Variants in HHAT observed in about 807,000 individuals in gnomAD.
HHAT encodes hedgehog acyltransferase.
Under a neutral mutation model 70.8 loss-of-function variants are expected in HHAT, and 47 were observed. The observed-to-expected ratio is 0.66, with a 90% CI of 0.53 to 0.85. The LOEUF (loss-of-function observed/expected upper bound fraction) is 0.85. Ranked by LOEUF, HHAT falls within the 40% of genes least tolerant of loss-of-function variation. The pLI is 0.00. For missense variants in HHAT, 609 were observed against 604.8 expected (o/e 1.01, Z -0.07); for synonymous variants, 228 against 247.6 (o/e 0.92, Z 0.74).
chr1:210,616,598 T>C (rs1667794418), intron 10 of HHAT, among the ~76,000 whole-genome samples: 1 of 152,234 alleles, frequency 6.6e-6, no homozygotes, highest in Non-Finnish European at 1.5e-5. Flanking sequence ...CAAACATTTC[T>C]TGAAAATCCA....
intron 9 of HHAT, among the ~76,000 whole-genome samples, chr1:210,549,460 T>C (rs2095510752): frequency 6.7e-6 from 1 of 148,556 alleles, no homozygotes; most frequent in African/African-American, 2.5e-5. Context: ...CCTGAATTCC[T>C]GAAATTATAA....
At chr1:210,670,120 A>G (rs1679784955) in intron 11 of HHAT, among the ~76,000 whole-genome samples, 1 of 152,210 alleles carries the variant, frequency 6.6e-6, no homozygotes, top group African/African-American at 2.4e-5. Flanking sequence ...ACTGTGTACC[A>G]TAGCAGCCCT....
intron 2 of HHAT, among the ~76,000 whole-genome samples, chr1:210,356,093 T>TG (rs2087585219): frequency 8.0e-6 from 1 of 124,638 alleles, no homozygotes; most frequent in Non-Finnish European, 1.8e-5. Context: ...CTTGCTTGGC[T>TG]ATTTTTTTTT....
intron 11 of HHAT, among the ~76,000 whole-genome samples, chr1:210,644,008 C>G (rs1673507145): frequency 6.6e-6 from 1 of 151,938 alleles, no homozygotes. Flanking sequence ...GGTCCTCTGG[C>G]CCACCTCTCT....
chr1:210,341,235 A>G (rs1558312279), intron 1 of HHAT, among the ~76,000 whole-genome samples: 1 of 152,206 alleles, frequency 6.6e-6, no homozygotes, highest in Non-Finnish European at 1.5e-5. Flanking sequence ...GTCTTGTTAA[A>G]GTTCTCTGGT....
At chr1:210,464,467 T>C (rs773435750) in intron 7 of HHAT, 38 bp from the exon 8 acceptor site, 1 of 1,613,118 alleles carries the variant, frequency 6.2e-7, no homozygotes. Context: ...CTGCTGTGAT[T>C]CTCTTCCATG....
chr1:210,413,323 G>T (rs2092620603), intron 6 of HHAT, among the ~76,000 whole-genome samples: 1 of 152,348 alleles, frequency 6.6e-6, no homozygotes, highest in African/African-American at 2.4e-5. Context: ...GTCTTGGACA[G>T]GAGGTCCTGG....
chr1:210,563,847 T>C (rs553585269), intron 9 of HHAT, among the ~76,000 whole-genome samples: 2 of 152,338 alleles, frequency 1.3e-5, no homozygotes, highest in African/African-American at 2.4e-5. Context: ...TTGGAAGATA[T>C]TTCTTGAGCA....
At position 210,391,994 on chromosome 1, in the gene HHAT, G is replaced by A. The variant is rs80074246; in HGVS notation, c.273+4413G>A. Among the ~76,000 whole-genome samples, 411 of 151,982 alleles carry A rather than the reference G, an allele frequency of 2.7e-3. 1 individual carries two copies. Among genetic ancestry groups the A allele is most frequent in the Non-Finnish European group, 4.4e-3 (297 of 67,964 alleles). Reference sequence around the variant, plus strand: ...AAGCAATCCTCCTGCCTCAGCTCCCGAGTAGCTTGGACTACAGGCTGTGAC... The same window carrying A: ...AAGCAATCCTCCTGCCTCAGCTCCCAAGTAGCTTGGACTACAGGCTGTGAC... On this transcript the variant is annotated intron_variant, in intron 4 of 11. Transcript: ENST00000261458.
At chr1:210,503,865 G>A (rs746393847) in intron 8 of HHAT, among the ~76,000 whole-genome samples, 3 of 152,048 alleles carry the variant, frequency 2.0e-5, no homozygotes, top group Non-Finnish European at 2.9e-5. Context: ...CACACCCCAC[G>A]CAAAAAAATT....
intron 8 of HHAT, among the ~76,000 whole-genome samples, chr1:210,506,229 C>T (rs2094851684): frequency 6.6e-6 from 1 of 152,092 alleles, no homozygotes; most frequent in South Asian, 2.1e-4. Flanking sequence ...CCAGGGCTGC[C>T]CTGGATGTGT....
chr1:210,553,333 C>T (rs1026462165), intron 9 of HHAT, among the ~76,000 whole-genome samples: 2 of 152,164 alleles, frequency 1.3e-5, no homozygotes, highest in Non-Finnish European at 2.9e-5. Flanking sequence ...CCGTTAGAGG[C>T]TTTGAAAGGG....
chr1:210,404,400 C>G, intron 5 of HHAT, 64 bp from the exon 6 acceptor site: 1 of 1,289,282 alleles, frequency 7.8e-7, no homozygotes, highest in Non-Finnish European at 1.1e-6. Flanking sequence ...CCAGCACCTG[C>G]AGTGGGACTG....
At chr1:210,395,697 G>C (rs2091742848) in intron 4 of HHAT, among the ~76,000 whole-genome samples, 1 of 152,144 alleles carries the variant, frequency 6.6e-6, no homozygotes, top group South Asian at 2.1e-4. Flanking sequence ...TGTTTATAAG[G>C]GGTTAAGTAG....
chr1:210,362,743 A>G, intron 2 of HHAT, 109 bp from the exon 3 acceptor site: 1 of 844,268 alleles, frequency 1.2e-6, no homozygotes, highest in South Asian at 1.5e-5. Flanking sequence ...ACCTTAGTCC[A>G]CTGGCTGCTT....
At chr1:210,608,275 G>T (rs1665920474) in intron 10 of HHAT, among the ~76,000 whole-genome samples, 1 of 152,108 alleles carries the variant, frequency 6.6e-6, no homozygotes, top group Non-Finnish European at 1.5e-5. Flanking sequence ...TTTTTGTATG[G>T]CCTGCAGTTA....
At chr1:210,385,166 G>A (rs1383313299) in intron 3 of HHAT, among the ~76,000 whole-genome samples, 1 of 150,748 alleles carries the variant, frequency 6.6e-6, no homozygotes, top group African/African-American at 2.4e-5. Flanking sequence ...GAGAAGTTTC[G>A]AGGCATAGGT....
At chr1:210,564,865 G>A (rs1177226810) in intron 9 of HHAT, among the ~76,000 whole-genome samples, 2 of 152,272 alleles carry the variant, frequency 1.3e-5, no homozygotes, top group East Asian at 3.9e-4. Flanking sequence ...GGAAGAAATG[G>A]GATGGGGGGT....
intron 1 of HHAT, chr1:210,329,306 C>T (rs1021342080): frequency 8.2e-6 from 10 of 1,223,440 alleles, no homozygotes; most frequent in Middle Eastern, 3.1e-4. Context: ...GCGCAGTGCG[C>T]CCGGGCAAAG....
Sources: gnomAD v4.1 joint callset for allele counts (sites outside exome capture counted in the v4.1 genomes callset) on GRCh38, gnomAD v4.1.1 for gene constraint, MANE v1.5 for transcripts, NCBI Gene and HGNC (gene_info 2026-07-23, HGNC 2026-07-21) for gene names.